The following KIF26A variants were observed in gnomAD, a reference collection of about 807,000 sequenced individuals.
The protein encoded by KIF26A is kinesin family member 26A.
Under a neutral mutation model 126.0 loss-of-function variants are expected in KIF26A, and 74 were observed. The ratio of observed to expected loss-of-function variants is 0.59; its 90% CI spans 0.49 to 0.71. The LOEUF (loss-of-function observed/expected upper bound fraction) is 0.71, where lower values mean the gene tolerates loss of function less well. KIF26A is among the 30% of genes least tolerant of loss of function. The pLI, the probability that KIF26A is intolerant of heterozygous loss-of-function variation, is 0.00. For missense variants in KIF26A, 2,984 were observed against 2,763.3 expected (o/e 1.08, Z -1.79); for synonymous variants, 1,445 against 1,232.7 (o/e 1.17, Z -3.61).
chr14:104,142,279 T>C (rs1327966717), intron 2 of KIF26A, among the ~76,000 whole-genome samples: 1 of 152,098 alleles, frequency 6.6e-6, no homozygotes, highest in Non-Finnish European at 1.5e-5. Context: ...TGCTTGGCCC[T>C]GGGTGTGGAG....
At chr14:104,178,021 A>G (rs1335598335) in intron 12 of KIF26A, 123 bp downstream of exon 12, 2 of 1,120,424 alleles carry the variant, frequency 1.8e-6, no homozygotes, top group Non-Finnish European at 2.4e-6. Flanking sequence ...TCAAGGTCCC[A>G]GACCCACACA....
chr14:104,158,009 G>C (rs2037798913), intron 4 of KIF26A, 67 bp downstream of exon 4: 2 of 1,404,630 alleles, frequency 1.4e-6, no homozygotes, highest in Admixed American at 2.8e-5. Context: ...TGGGCCCCTG[G>C]GGACCTATGG....
At chr14:104,168,173 G>A (rs113130945) in intron 5 of KIF26A, among the ~76,000 whole-genome samples, 6,543 of 152,264 alleles carry the variant, frequency 0.043, 182 homozygotes, top group Non-Finnish European at 0.063. Context: ...TTGGGATTTT[G>A]TTAGAGCTCG....
At chr14:104,164,722 TGCGTGTCTGTGTGTGTGC>T (rs1197152356) in intron 4 of KIF26A, among the ~76,000 whole-genome samples, 6 of 152,122 alleles carry the variant, frequency 3.9e-5, no homozygotes, top group South Asian at 4.2e-4. Flanking sequence ...TGAGTGTGTG[TGCGTGTCTGTGTGTGTGC>T]GCGTGTCTGT....
In KIF26A at chr14:104,179,540, G is replaced by A; in HGVS notation, c.5468-69G>A. 5 of 1,444,862 alleles carry A rather than the reference G, an allele frequency of 3.5e-6. No individual in the cohort carries two copies. In the South Asian group the frequency reaches 5.8e-5, roughly 17 times the overall value. The allele number at this position is 1,444,862 out of a possible 1,614,324, so 89.5% of individuals were successfully genotyped here. ...CAAGATGCCTTTCCTGGGGCCTCTG[G>A]GGGGCCAGGTGGCTGCCCCCAGCCT... On this transcript the variant is annotated intron_variant, in intron 14 of 14. Coordinates refer to ENST00000423312, the MANE Select transcript of KIF26A (RefSeq NM_015656.2).
rs1199485596 is a variant in KIF26A at position 104,177,487 on chromosome 14, G to T, written c.4699G>T (p.Val1567Phe). 5.2e-6 allele frequency: 8 copies of T among 1,533,652 alleles called. No homozygotes were observed. The highest frequency in any genetic ancestry group is 7.0e-6 in the Non-Finnish European group (8 of 1,145,604). ...GGCGCTCCGGGCTGCTCACAGCCGCGTCCATGAGCTGTCAGCCAGTGGAGC... is the reference window on the plus strand; with the variant it reads ...GGCGCTCCGGGCTGCTCACAGCCGCTTCCATGAGCTGTCAGCCAGTGGAGC... ...KQALRAAHSR[V>F]HELSASGAPG... Residue 1567 changes from valine (V) to phenylalanine (F), a missense_variant, in exon 12 of 15, where the codon GTC becomes TTC. By Grantham distance (50) the Val-to-Phe change is conservative. Coordinates refer to ENST00000423312, the MANE Select transcript of KIF26A (RefSeq NM_015656.2).
chr14:104,166,291 C>T (rs2037901506), intron 4 of KIF26A, among the ~76,000 whole-genome samples: 1 of 152,104 alleles, frequency 6.6e-6, no homozygotes, highest in Non-Finnish European at 1.5e-5. Flanking sequence ...GTAATCTCGA[C>T]AGCAGGATTA....
chr14:104,168,943 G>T (rs934246422), intron 5 of KIF26A, among the ~76,000 whole-genome samples: 3 of 152,156 alleles, frequency 2.0e-5, no homozygotes, highest in Admixed American at 6.5e-5. Context: ...GCACTGCTGG[G>T]GGTCTGCGGG....
In KIF26A at chr14:104,175,910, C is replaced by T; in HGVS notation, c.3122C>T (p.Ser1041Phe). The change falls in exon 12 of 15, where the codon TCC becomes TTC. Residue 1041 changes from serine (S) to phenylalanine (F), a missense_variant. Physicochemically the swap from Ser to Phe is radical, Grantham distance 155. Transcript: ENST00000423312. ...GTGTTCACGGTGGTGGAGGAGCTGT[C>T]CCTGGGGGCGCTTGCCGGAGCTGGG... ...ELVFTVVEEL[S>F]LGALAGAGRP... is the part of the protein sequence containing the mutation. 6.5e-7 allele frequency: 1 copy of T among 1,546,074 alleles called. No homozygotes were observed.
rs2037973025 is a variant in KIF26A, at chr14:104,172,795, TG to T, written c.1420+131del. On this transcript the variant is annotated intron_variant, in intron 7 of 14. Coordinates refer to ENST00000423312, the MANE Select transcript of KIF26A (RefSeq NM_015656.2). ...CTACACATGGGCCGTGGTGGGCATA[TG>T]GGGTGAGGGGCTTGTGGAGAGGAAG... The T allele has an allele frequency of 5.6e-6, 6 of 1,077,550 alleles. No homozygotes were observed. In the East Asian group the frequency reaches 1.3e-4, roughly 23 times the overall value. 66.7% of individuals were successfully genotyped at this position (1,077,550 alleles called of 1,614,324 possible).
chr14:104,154,764 G>A (rs969934255), intron 3 of KIF26A, among the ~76,000 whole-genome samples: 1 of 152,252 alleles, frequency 6.6e-6, no homozygotes, highest in Non-Finnish European at 1.5e-5. Flanking sequence ...AGAGCCCACA[G>A]TGGGTTGCAA....
rs1338700920 is a variant in KIF26A, at chr14:104,176,284, C to T, written c.3496C>T (p.Pro1166Ser). Residue 1166 changes from proline (P) to serine (S), a missense_variant, in exon 12 of 15, where the codon CCT (proline) becomes TCT (serine). Transcript: ENST00000423312. ...GSSGFLGPDR[P>S]DSPGPTWGPC... The stretch of plus-strand genomic sequence containing the variant: ...CTCTGGGTTCCTGGGGCCAGACAGA[C>T]CTGACAGTCCTGGGCCAACCTGGGG... 2 of 1,589,178 alleles carry T rather than the reference C, an allele frequency of 1.3e-6. No individual in the cohort carries two copies. The highest frequency in any genetic ancestry group is 2.7e-5 in the African/African-American group (2 of 74,416).
Position 104,176,871 on chromosome 14 carries a change from C to T in KIF26A, c.4083C>T (p.Pro1361=), listed in dbSNP as rs191291452. The T allele has an allele frequency of 1.8e-5, 28 of 1,542,720 alleles. No individual in the cohort carries two copies. In the African/African-American group the frequency reaches 2.9e-4, roughly 16 times the overall value. The change falls in exon 12 of 15, where the codon CCC becomes CCT. Residue 1361 remains proline, a synonymous_variant. Transcript: ENST00000423312. ...TCCCGAGGCCCAGTGGGGCGGCCCC[C>T]CCGGCCCCACCCACGCGGAAGTCCA... ...GFLPRPSGAA[P]PAPPTRKSSL... is the part of the protein sequence containing the mutation.
rs2141084776 is a variant in KIF26A at position 104,138,699 on chromosome 14, C to T, written c.-24C>T. ...GAGCCAGCGTGGCCGGGAGCGCCTGCCGGGCTCTTCCCGCGCCCCGGCCAT... is the reference window on the plus strand; with the variant it reads ...GAGCCAGCGTGGCCGGGAGCGCCTGTCGGGCTCTTCCCGCGCCCCGGCCAT... On this transcript the variant is annotated 5_prime_UTR_variant, in exon 1 of 15. Coordinates refer to ENST00000423312, the MANE Select transcript of KIF26A (RefSeq NM_015656.2). The T allele has an allele frequency of 7.9e-7, 1 of 1,267,702 alleles. No homozygotes were observed. Among genetic ancestry groups the T allele is most frequent in the East Asian group, 3.4e-5 (1 of 29,824 alleles). The allele number at this position is 1,267,702 out of a possible 1,614,324, so 78.5% of individuals were successfully genotyped here.
At chr14:104,154,940 G>A (rs2037762834) in intron 3 of KIF26A, among the ~76,000 whole-genome samples, 1 of 152,200 alleles carries the variant, frequency 6.6e-6, no homozygotes, top group Non-Finnish European at 1.5e-5. Flanking sequence ...GGCCCTGGAG[G>A]GTGTCCCGTG....
At chr14:104,145,792 G>A (rs1247252122) in intron 2 of KIF26A, among the ~76,000 whole-genome samples, 3 of 152,118 alleles carry the variant, frequency 2.0e-5, no homozygotes, top group Admixed American at 6.5e-5. Flanking sequence ...TCCTCCAGCC[G>A]CTTGACCTAG....
chr14:104,151,972 C>T lies in KIF26A; in HGVS notation c.289-43C>T, dbSNP rs1362615807. ...GGTGGGCTCTGGGTGCCGGCCCTCC[C>T]TCCCCAGGCACTGACCCTGCCTTTG... On this transcript the variant is annotated intron_variant, in intron 2 of 14. Transcript: ENST00000423312. The surrounding 1 kb of genome is among the most constrained non-coding windows in gnomAD (Gnocchi z 4.9). The T allele has an allele frequency of 1.3e-6, 2 of 1,588,208 alleles. No homozygotes were observed. Among genetic ancestry groups the T allele is most frequent in the East Asian group, 4.5e-5 (2 of 44,746 alleles).
chr14:104,161,395 G>C (rs12887765), intron 4 of KIF26A, among the ~76,000 whole-genome samples: 3 of 152,122 alleles, frequency 2.0e-5, no homozygotes, highest in South Asian at 2.1e-4. Context: ...TCCTGCACGC[G>C]ACAGAACAGG....
intron 4 of KIF26A, among the ~76,000 whole-genome samples, chr14:104,165,565 TTCTG>T (rs951344003): frequency 4.3e-5 from 6 of 139,350 alleles, no homozygotes; most frequent in South Asian, 2.2e-4. Flanking sequence ...GTCTGTGTGT[TTCTG>T]TATGCATGTG....
Sources: gnomAD v4.1 joint callset for allele counts (sites outside exome capture counted in the v4.1 genomes callset) on GRCh38, gnomAD v4.1.1 for gene constraint, Gnocchi (gnomAD v3.1) non-coding constraint, MANE v1.5 for transcripts, NCBI Gene and HGNC (gene_info 2026-07-23, HGNC 2026-07-21) for gene names.